DEPTOR: variants seen among roughly 807,000 people sequenced by gnomAD.
DEPTOR encodes the protein DEP domain containing MTOR interacting protein.
In DEPTOR, 41 loss-of-function variants were observed where a neutral mutation model predicts 41.6. The ratio of observed to expected loss-of-function variants is 0.98; its 90% CI spans 0.77 to 1.28. The LOEUF is 1.28. Ranked by LOEUF, DEPTOR falls within the 50% of genes most tolerant of loss-of-function variation. DEPTOR has a pLI of 0.00. For missense variants in DEPTOR, 514 were observed against 527.9 expected, an observed-to-expected ratio of 0.97 and a Z score of 0.26; for synonymous variants, 195 against 192.3, an observed-to-expected ratio of 1.01 and a Z score of -0.12.
At chr8:119,958,769 G>A (rs1214407306) in intron 3 of DEPTOR, among the ~76,000 whole-genome samples, 5 of 151,824 alleles carry the variant, frequency 3.3e-5, no homozygotes, top group African/African-American at 9.7e-5. Flanking sequence ...GTGACAGATC[G>A]AGACTCTATC....
At chr8:119,968,450 C>T (rs377386013) in intron 4 of DEPTOR, among the ~76,000 whole-genome samples, 21 of 152,008 alleles carry the variant, frequency 1.4e-4, no homozygotes, top group Middle Eastern at 3.4e-3. Flanking sequence ...AGTAGCTGTG[C>T]ACCACCACAC....
chr8:119,887,235 A>G (rs1292006536), intron 1 of DEPTOR, among the ~76,000 whole-genome samples: 10 of 134,096 alleles, frequency 7.5e-5, no homozygotes, highest in Non-Finnish European at 9.6e-5. Flanking sequence ...GTTCAGTGGC[A>G]TAATCTCAGC....
chr8:119,885,548 A>T (rs1827353349), intron 1 of DEPTOR, among the ~76,000 whole-genome samples: 1 of 152,218 alleles, frequency 6.6e-6, no homozygotes, highest in African/African-American at 2.4e-5. Flanking sequence ...AGCATAGCCT[A>T]GGTCGTCATG....
At chr8:120,025,646 C>T (rs1812785238) in intron 8 of DEPTOR, among the ~76,000 whole-genome samples, 1 of 152,152 alleles carries the variant, frequency 6.6e-6, no homozygotes, top group Admixed American at 6.6e-5. Context: ...GCTTGCTTTT[C>T]TCTTTGCCCT....
intron 1 of DEPTOR, among the ~76,000 whole-genome samples, chr8:119,919,438 A>G (rs921788080): frequency 2.0e-5 from 3 of 152,096 alleles, no homozygotes; most frequent in African/African-American, 7.2e-5. Flanking sequence ...TTTCATTTTT[A>G]TATATATTTG....
At chr8:119,970,796 C>G (rs1563577855) in intron 4 of DEPTOR, among the ~76,000 whole-genome samples, 2 of 152,086 alleles carry the variant, frequency 1.3e-5, no homozygotes, top group Non-Finnish European at 2.9e-5. Flanking sequence ...GTGGAGAAAT[C>G]CAGGCACAGT....
intron 5 of DEPTOR, among the ~76,000 whole-genome samples, 166 bp from the exon 6 acceptor site, chr8:120,002,811 T>TATATATATATAA (rs1172358963): frequency 7.6e-6 from 1 of 131,202 alleles, no homozygotes; most frequent in African/African-American, 2.8e-5. Context: ...TATATATATA[T>TATATATATATAA]AATATAAAGT....
At position 120,003,065 on chromosome 8, in the gene DEPTOR, C is replaced by A. The variant is rs764886615; in HGVS notation, c.879C>A (p.Ser293Arg). 3.7e-6 allele frequency: 6 copies of A among 1,612,722 alleles called. No individual in the cohort carries two copies. Among genetic ancestry groups the A allele is most frequent in the Non-Finnish European group, 4.2e-6 (5 of 1,179,750 alleles). The change falls in exon 6 of 9, where the codon AGC (serine) becomes AGA (arginine). Residue 293 changes from serine (S) to arginine (R), a missense_variant. Ser to Arg is a moderately radical substitution (Grantham distance 110). Coordinates refer to ENST00000286234, the MANE Select transcript of DEPTOR (RefSeq NM_022783.4). ...GCAGCAGCGGCTACTTCAGCAGCAG[C>A]CCCACCCTCAGCAGCAGCCCCCCTG... ...SCGSSGYFSSSPTLSSSPPVL... is the reference protein window; with the variant it reads ...SCGSSGYFSSRPTLSSSPPVL...
At chr8:119,897,331 G>A (rs925125781) in intron 1 of DEPTOR, among the ~76,000 whole-genome samples, 5 of 152,046 alleles carry the variant, frequency 3.3e-5, no homozygotes, top group African/African-American at 1.2e-4. Flanking sequence ...TCAGGAGTTC[G>A]AGACCAGCCT....
At chr8:119,962,717 T>C (rs1198502496) in intron 3 of DEPTOR, among the ~76,000 whole-genome samples, 1 of 152,126 alleles carries the variant, frequency 6.6e-6, no homozygotes, top group Admixed American at 6.5e-5. Context: ...CAAGGTTGGG[T>C]TGAGAATAAG....
In DEPTOR at chr8:119,928,473, G is replaced by A. The variant is rs149224142; in HGVS notation, c.196G>A (p.Ala66Thr). 2.0e-5 allele frequency: 32 copies of A among 1,614,002 alleles called. No individual in the cohort carries two copies. Among genetic ancestry groups the A allele is most frequent in the Middle Eastern group, 1.6e-4 (1 of 6,082 alleles). ...CAAGACCTACCCAAACTGTTTTGTCGCAAAAGAACTGATTGACTGGCTGAT... is the reference window on the plus strand; with the variant it reads ...CAAGACCTACCCAAACTGTTTTGTCACAAAAGAACTGATTGACTGGCTGAT... ...HLKTYPNCFV[A>T]KELIDWLIEH... Residue 66 changes from alanine (A) to threonine (T), a missense_variant, in exon 2 of 9, where the codon GCA becomes ACA. Coordinates refer to ENST00000286234, the MANE Select transcript of DEPTOR (RefSeq NM_022783.4).
intron 3 of DEPTOR, among the ~76,000 whole-genome samples, chr8:119,948,255 A>G (rs1451490216): frequency 6.6e-6 from 1 of 152,074 alleles, no homozygotes; most frequent in Non-Finnish European, 1.5e-5. Context: ...TGCTCAATAG[A>G]TATTTAAATG....
At chr8:120,021,236 C>T (rs1812708933) in intron 8 of DEPTOR, among the ~76,000 whole-genome samples, 1 of 151,870 alleles carries the variant, frequency 6.6e-6, no homozygotes, top group Non-Finnish European at 1.5e-5. Flanking sequence ...AACCCCGTCT[C>T]TACTAAAAAT....
intron 1 of DEPTOR, among the ~76,000 whole-genome samples, chr8:119,901,183 A>G (rs368864622): frequency 6.6e-6 from 1 of 152,174 alleles, no homozygotes; most frequent in Non-Finnish European, 1.5e-5. Context: ...GAGGATATTT[A>G]TGCAATTCTC....
chr8:119,975,944 G>A (rs974160246), intron 4 of DEPTOR, among the ~76,000 whole-genome samples: 3 of 126,878 alleles, frequency 2.4e-5, no homozygotes, highest in Non-Finnish European at 3.1e-5. Flanking sequence ...ACAGTGAACC[G>A]AGATTGTGCT....
At chr8:120,001,944 C>A (rs912470067) in intron 5 of DEPTOR, among the ~76,000 whole-genome samples, 10 of 152,158 alleles carry the variant, frequency 6.6e-5, no homozygotes, top group South Asian at 2.1e-4. Context: ...GTCCTCTAGG[C>A]TCTCACTCAA....
intron 4 of DEPTOR, among the ~76,000 whole-genome samples, chr8:120,000,046 A>G (rs1406091533): frequency 6.6e-6 from 1 of 152,142 alleles, no homozygotes; most frequent in Non-Finnish European, 1.5e-5. Flanking sequence ...ATATTATACT[A>G]TAGTTATTTA....
intron 8 of DEPTOR, among the ~76,000 whole-genome samples, chr8:120,043,482 C>G (rs1468052226): frequency 6.6e-6 from 1 of 152,112 alleles, no homozygotes; most frequent in Non-Finnish European, 1.5e-5. Flanking sequence ...AGCTAAACAT[C>G]AACACCGTAA....
intron 1 of DEPTOR, among the ~76,000 whole-genome samples, chr8:119,904,300 G>T (rs1307431591): frequency 6.6e-6 from 1 of 151,674 alleles, no homozygotes; most frequent in Non-Finnish European, 1.5e-5. Context: ...TCTATTTTTA[G>T]TAGAGACAGG....
Sources: gnomAD v4.1 joint callset for allele counts (sites outside exome capture counted in the v4.1 genomes callset) on GRCh38, gnomAD v4.1.1 for gene constraint, MANE v1.5 for transcripts, NCBI Gene and HGNC (gene_info 2026-07-23, HGNC 2026-07-21) for gene names.